Variants in PCOLCE2 observed in about 807,000 individuals in gnomAD.
PCOLCE2 encodes the protein procollagen C-proteinase enhancer 2.
In PCOLCE2, 42 loss-of-function variants were observed where a neutral mutation model predicts 47.0. The observed-to-expected ratio is 0.89, with a 90% CI of 0.70 to 1.16. The LOEUF (loss-of-function observed/expected upper bound fraction) is 1.16. Among genes scored for constraint, PCOLCE2 ranks in the 50% most tolerant of loss-of-function variants. The pLI is 0.00. For missense variants in PCOLCE2, 500 were observed against 526.1 expected (o/e 0.95, Z 0.49); for synonymous variants, 169 against 191.7 (o/e 0.88, Z 0.98).
At position 142,821,013 on chromosome 3, in the gene PCOLCE2, G is replaced by A. The variant is rs527346018; in HGVS notation, c.982C>T (p.Arg328Cys). 9 of 1,612,720 alleles carry A rather than the reference G, an allele frequency of 5.6e-6. No homozygotes were observed. The highest frequency in any genetic ancestry group is 4.0e-5 in the African/African-American group (3 of 75,000). The change falls in exon 8 of 9, where the codon CGC becomes TGC. Residue 328 changes from arginine (R) to cysteine (C), a missense_variant. Arg to Cys is a radical substitution (Grantham distance 180). Transcript: ENST00000295992. Reference sequence around the variant, plus strand: ...ACTGTGGCGTGCAAACTCCCATCGCGAGTGATGGTTGTGATAACAGTGCCG... The same window carrying A: ...ACTGTGGCGTGCAAACTCCCATCGCAAGTGATGGTTGTGATAACAGTGCCG... ...LAGTVITTIT[R>C]DGSLHATVSI...
intron 2 of PCOLCE2, among the ~76,000 whole-genome samples, chr3:142,856,861 A>G (rs1422060322): frequency 6.6e-6 from 1 of 151,204 alleles, no homozygotes; most frequent in African/African-American, 2.4e-5. Flanking sequence ...AAAACTGGAA[A>G]TTCACTACTC....
At chr3:142,852,361 C>A (rs1932960464) in intron 2 of PCOLCE2, among the ~76,000 whole-genome samples, 1 of 151,638 alleles carries the variant, frequency 6.6e-6, no homozygotes, top group African/African-American at 2.4e-5. Context: ...CTTGGAGAAT[C>A]TAGTCTGTAT....
chr3:142,878,852 C>CAA (rs938399103), intron 2 of PCOLCE2, among the ~76,000 whole-genome samples: 52 of 136,558 alleles, frequency 3.8e-4, no homozygotes, highest in African/African-American at 1.3e-3. Context: ...GACTTTGTCT[C>CAA]AAAAAAAAAA....
At chr3:142,875,518 A>G (rs1304338975) in intron 2 of PCOLCE2, among the ~76,000 whole-genome samples, 1 of 152,236 alleles carries the variant, frequency 6.6e-6, no homozygotes, top group Non-Finnish European at 1.5e-5. Context: ...TACTCAAAAT[A>G]GCCAAAAGGT....
At chr3:142,869,107 C>T (rs377347311) in intron 2 of PCOLCE2, among the ~76,000 whole-genome samples, 23 of 151,986 alleles carry the variant, frequency 1.5e-4, no homozygotes, top group African/African-American at 5.1e-4. Context: ...CTGGCTAACA[C>T]GGTGAAACCC....
intron 2 of PCOLCE2, among the ~76,000 whole-genome samples, chr3:142,874,116 G>A (rs1933449994): frequency 6.6e-6 from 1 of 152,048 alleles, no homozygotes; most frequent in African/African-American, 2.4e-5. Context: ...TCACTCTGTT[G>A]CCAGGCTGGA....
intron 5 of PCOLCE2, among the ~76,000 whole-genome samples, chr3:142,835,982 T>C (rs1937198815): frequency 1.4e-5 from 2 of 141,164 alleles, no homozygotes; most frequent in Non-Finnish European, 3.2e-5. Flanking sequence ...TTTTCTTTTC[T>C]TACTTTCTTT....
intron 4 of PCOLCE2, among the ~76,000 whole-genome samples, chr3:142,840,285 C>T (rs926293683): frequency 6.6e-6 from 1 of 152,106 alleles, no homozygotes; most frequent in African/African-American, 2.4e-5. Context: ...AAATTATTCA[C>T]GTGAATAGAA....
chr3:142,827,625 T>C, intron 6 of PCOLCE2: 1 of 1,471,974 alleles, frequency 6.8e-7, no homozygotes, highest in Non-Finnish European at 9.5e-7. Flanking sequence ...CCCGTGTGAA[T>C]GCCCTCGGCA....
chr3:142,845,902 G>A (rs1937323496), intron 3 of PCOLCE2, among the ~76,000 whole-genome samples: 1 of 152,164 alleles, frequency 6.6e-6, no homozygotes. Flanking sequence ...TTGAACCTGG[G>A]AGGTGGAGGT....
rs1003695771 is a variant in PCOLCE2, at chr3:142,842,720, C to T, written c.573+204G>A. 6.7e-6 allele frequency among the ~76,000 whole-genome samples: 1 copy of T among 149,026 alleles called. No homozygotes were observed. The highest frequency in any genetic ancestry group is 1.5e-5 in the Non-Finnish European group (1 of 67,546). On this transcript the variant is annotated intron_variant, in intron 4 of 8. Coordinates refer to ENST00000295992, the MANE Select transcript of PCOLCE2 (RefSeq NM_013363.4). This position sits in a 1 kb window ranked among gnomAD's most constrained non-coding sequence, Gnocchi z 4.1. ...CACCATTGCACTCCAGACAGGGCGACAAGAGCGAAACTCTGTCTCAAAAAA... is the reference window on the plus strand; with the variant it reads ...CACCATTGCACTCCAGACAGGGCGATAAGAGCGAAACTCTGTCTCAAAAAA...
intron 2 of PCOLCE2, among the ~76,000 whole-genome samples, chr3:142,879,816 A>G (rs1183440792): frequency 6.6e-6 from 1 of 151,982 alleles, no homozygotes; most frequent in Non-Finnish European, 1.5e-5. Context: ...AAAAAATACA[A>G]AAAATTAGGC....
chr3:142,842,230 T>C lies in PCOLCE2; in HGVS notation c.573+694A>G, dbSNP rs1298281379. ...CACTAGAATAACTATTATCAGGACA[T>C]GATGGGTTTGTGATGGGAGCAAATG... On this transcript the variant is annotated intron_variant, in intron 4 of 8. Coordinates refer to ENST00000295992, the MANE Select transcript of PCOLCE2 (RefSeq NM_013363.4). This position sits in a 1 kb window ranked among gnomAD's most constrained non-coding sequence, Gnocchi z 4.1. Among the ~76,000 whole-genome samples, 1 of 152,160 alleles carries C rather than the reference T, an allele frequency of 6.6e-6. No homozygotes were observed. Among genetic ancestry groups the C allele is most frequent in the Non-Finnish European group, 1.5e-5 (1 of 68,036 alleles).
At chr3:142,857,440 T>C (rs57485858) in intron 2 of PCOLCE2, among the ~76,000 whole-genome samples, 1,565 of 152,232 alleles carry the variant, frequency 0.01, 33 homozygotes, top group African/African-American at 0.036. Flanking sequence ...ATGATACACT[T>C]CTAGACAAGA....
intron 2 of PCOLCE2, among the ~76,000 whole-genome samples, chr3:142,851,739 T>C (rs893785674): frequency 2.6e-5 from 4 of 152,080 alleles, no homozygotes; most frequent in Non-Finnish European, 5.9e-5. Context: ...GAGTTAAAAT[T>C]TGCAAGAAGC....
chr3:142,848,502 G>A (rs1282949489), intron 2 of PCOLCE2, 30 bp from the exon 3 acceptor site: 3 of 1,570,884 alleles, frequency 1.9e-6, no homozygotes, highest in Admixed American at 1.8e-5. Context: ...TTAGAAAACT[G>A]TCATGAAAAC....
chr3:142,821,933 A>G (rs1339877022), intron 7 of PCOLCE2, among the ~76,000 whole-genome samples: 1 of 151,770 alleles, frequency 6.6e-6, no homozygotes, highest in Non-Finnish European at 1.5e-5. Flanking sequence ...TTGTTTTTTC[A>G]TGAGATGGAG....
intron 3 of PCOLCE2, among the ~76,000 whole-genome samples, chr3:142,846,091 A>T (rs1469049286): frequency 2.0e-5 from 3 of 151,892 alleles, no homozygotes; most frequent in Non-Finnish European, 4.4e-5. Context: ...TGATTTCAAG[A>T]TTTTCTCTGT....
chr3:142,881,051 C>A (rs899311005), intron 2 of PCOLCE2, among the ~76,000 whole-genome samples: 6 of 152,138 alleles, frequency 3.9e-5, no homozygotes, highest in African/African-American at 1.4e-4. Flanking sequence ...GTTACCAATT[C>A]TCTTGTCTAA....
Sources: gnomAD v4.1 joint callset for allele counts (sites outside exome capture counted in the v4.1 genomes callset) on GRCh38, gnomAD v4.1.1 for gene constraint, Gnocchi (gnomAD v3.1) non-coding constraint, MANE v1.5 for transcripts, NCBI Gene and HGNC (gene_info 2026-07-23, HGNC 2026-07-21) for gene names.